Variants in MAML3 observed in about 807,000 individuals in gnomAD.
MAML3 encodes mastermind like transcriptional coactivator 3, also known as mastermind-like protein 3.
Under a neutral mutation model 101.9 loss-of-function variants are expected in MAML3, and 27 were observed. The ratio of observed to expected loss-of-function variants is 0.27; its 90% CI spans 0.20 to 0.37. The LOEUF is 0.37. MAML3 is among the 10% of genes least tolerant of loss of function. MAML3 has a pLI of 1.00. For missense variants in MAML3, 1,316 were observed against 1,444.9 expected (o/e 0.91, Z 1.45); for synonymous variants, 501 against 555.9 (o/e 0.90, Z 1.39).
chr4:139,801,472 G>A (rs938600270), intron 2 of MAML3, among the ~76,000 whole-genome samples: 2 of 152,200 alleles, frequency 1.3e-5, no homozygotes, highest in Non-Finnish European at 2.9e-5. Context: ...CAGGAGGGGA[G>A]GGGAAGGGAG....
intron 1 of MAML3, among the ~76,000 whole-genome samples, chr4:140,023,291 C>T (rs1046861249): frequency 2.0e-5 from 3 of 152,188 alleles, no homozygotes; most frequent in African/African-American, 7.2e-5. Flanking sequence ...AATAGCTAGA[C>T]GTTCTGTCCA....
At chr4:139,958,482 C>T (rs981963897) in intron 1 of MAML3, among the ~76,000 whole-genome samples, 5 of 152,102 alleles carry the variant, frequency 3.3e-5, no homozygotes, top group Admixed American at 1.3e-4. Context: ...CTAAAAGGTT[C>T]GGTGTACAGT....
chr4:139,890,995 C>A lies in MAML3; in HGVS notation c.469-28G>T, dbSNP rs768304645. On this transcript the variant is annotated intron_variant, in intron 1 of 4. Transcript: ENST00000509479. This position sits in a 1 kb window ranked among gnomAD's most constrained non-coding sequence, Gnocchi z 4.1. Reference sequence around the variant, plus strand: ...GGAAAAGAAACAGGAAAGAGGATGACTAAACCTCCAAGTCATATTTTACTC... The same window carrying A: ...GGAAAAGAAACAGGAAAGAGGATGAATAAACCTCCAAGTCATATTTTACTC... 2 of 1,594,978 alleles carry A rather than the reference C, an allele frequency of 1.3e-6. No homozygotes were observed. The highest frequency in any genetic ancestry group is 2.2e-5 in the East Asian group (1 of 44,636).
At chr4:139,939,780 T>G (rs928366271) in intron 1 of MAML3, among the ~76,000 whole-genome samples, 2 of 151,162 alleles carry the variant, frequency 1.3e-5, no homozygotes, top group African/African-American at 4.9e-5. Context: ...TTTTTTTTTT[T>G]TTGAGATGGA....
chr4:140,002,993 A>C (rs1050337881), intron 1 of MAML3, among the ~76,000 whole-genome samples: 4 of 152,194 alleles, frequency 2.6e-5, no homozygotes, highest in Admixed American at 1.3e-4. Context: ...CCCAGCTCCA[A>C]AGTCAGACTA....
chr4:140,119,148 GTCAACCTCAAGA>G (rs570399901), intron 1 of MAML3, among the ~76,000 whole-genome samples: 74 of 152,210 alleles, frequency 4.9e-4, no homozygotes, highest in African/African-American at 1.7e-3. Flanking sequence ...CCCCGATAAG[GTCAACCTCAAGA>G]TCTTATTCTC....
intron 1 of MAML3, among the ~76,000 whole-genome samples, chr4:140,014,041 A>AT (rs1279912264): frequency 6.6e-6 from 1 of 152,220 alleles, no homozygotes; most frequent in Non-Finnish European, 1.5e-5. Flanking sequence ...CAGGAGCAAC[A>AT]TTACAGATGC....
chr4:139,917,311 A>T (rs1733045410), intron 1 of MAML3, among the ~76,000 whole-genome samples: 1 of 152,154 alleles, frequency 6.6e-6, no homozygotes, highest in Non-Finnish European at 1.5e-5. Context: ...AAATGTATGT[A>T]TGTTCTCTGA....
intron 1 of MAML3, among the ~76,000 whole-genome samples, chr4:139,931,513 A>C (rs1036045051): frequency 2.0e-5 from 3 of 152,258 alleles, no homozygotes; most frequent in Middle Eastern, 3.4e-3. Flanking sequence ...CTTTAATACG[A>C]TGTCTGATGT....
chr4:139,808,658 C>G (rs550928132), intron 2 of MAML3, among the ~76,000 whole-genome samples: 2 of 152,320 alleles, frequency 1.3e-5, no homozygotes, highest in East Asian at 3.9e-4. Flanking sequence ...CCCCCTCTTA[C>G]CTTTGTGTTC....
At chr4:140,033,261 T>C (rs994317215) in intron 1 of MAML3, among the ~76,000 whole-genome samples, 1 of 152,088 alleles carries the variant, frequency 6.6e-6, no homozygotes, top group Non-Finnish European at 1.5e-5. Flanking sequence ...GGCAATGACA[T>C]AAACATATGA....
chr4:139,919,512 A>G (rs1733085726), intron 1 of MAML3, among the ~76,000 whole-genome samples: 1 of 152,168 alleles, frequency 6.6e-6, no homozygotes, highest in South Asian at 2.1e-4. Context: ...TCTTTCTTAG[A>G]AAGGAAAGCA....
At chr4:139,986,158 G>A (rs1320027630) in intron 1 of MAML3, among the ~76,000 whole-genome samples, 1 of 152,200 alleles carries the variant, frequency 6.6e-6, no homozygotes, top group Non-Finnish European at 1.5e-5. Context: ...ATACAAACGG[G>A]TTTTTTCCGA....
intron 4 of MAML3, among the ~76,000 whole-genome samples, chr4:139,721,176 T>C (rs918575788): frequency 6.6e-6 from 1 of 152,226 alleles, no homozygotes; most frequent in African/African-American, 2.4e-5. Flanking sequence ...AACACAATTT[T>C]AATAATGCTG....
intron 1 of MAML3, among the ~76,000 whole-genome samples, chr4:140,147,133 A>T (rs1381307912): frequency 0.014 from 8 of 570 alleles, no homozygotes; most frequent in Non-Finnish European, 0.043. Context: ...CTCCATCTCA[A>T]AAAAAAAAAA....
intron 1 of MAML3, among the ~76,000 whole-genome samples, chr4:140,070,521 C>T (rs1727630772): frequency 6.6e-6 from 1 of 152,162 alleles, no homozygotes; most frequent in Non-Finnish European, 1.5e-5. Context: ...GAAAGCAGAA[C>T]CCACAAAGAA....
intron 1 of MAML3, among the ~76,000 whole-genome samples, chr4:140,051,031 C>CA (rs1441745843): frequency 6.6e-6 from 1 of 152,170 alleles, no homozygotes; most frequent in Non-Finnish European, 1.5e-5. Context: ...TGCATTTAGT[C>CA]AGATGGCAGA....
intron 1 of MAML3, among the ~76,000 whole-genome samples, chr4:139,985,464 A>C (rs934618959): frequency 1.3e-5 from 2 of 152,262 alleles, no homozygotes; most frequent in African/African-American, 4.8e-5. Context: ...CAACAACTGA[A>C]GTCTCACTGT....
intron 1 of MAML3, among the ~76,000 whole-genome samples, chr4:139,965,685 T>C (rs571218198): frequency 5.1e-4 from 77 of 152,388 alleles, no homozygotes; most frequent in Non-Finnish European, 9.4e-4. Context: ...TTAATCTATC[T>C]GAGATTCTTT....
Sources: allele counts gnomAD v4.1 joint callset (sites outside exome capture counted in the v4.1 genomes callset), GRCh38; gene constraint gnomAD v4.1.1; non-coding constraint Gnocchi (gnomAD v3.1); transcripts MANE v1.5; gene names NCBI Gene and HGNC (gene_info 2026-07-23, HGNC 2026-07-21).